KISS1: variants seen among roughly 807,000 people sequenced by gnomAD.
KISS1 encodes the protein KiSS-1 metastasis suppressor, also known as metastasis-suppressor KiSS-1.
For missense variants in KISS1, 182 were observed against 182.7 expected (o/e 1.00, Z 0.02); for synonymous variants, 97 against 88.7 (o/e 1.09, Z -0.52).
chr1:204,192,858 A>C lies in KISS1; in HGVS notation c.19T>G (p.Trp7Gly). The C allele has an allele frequency of 6.3e-7, 1 of 1,592,698 alleles. No individual in the cohort carries two copies. Among genetic ancestry groups the C allele is most frequent in the Non-Finnish European group, 8.6e-7 (1 of 1,167,358 alleles). Reference protein sequence around the residue: MNSLVSWQLLLFLCATH... With the variant: MNSLVSGQLLLFLCATH... ...GCACAGAGGAAAAGCAGTAGCTGCC[A>C]AGAAACCAGTGAGTTCATCTTGGTG... Residue 7 changes from tryptophan to glycine, a missense_variant, in exon 2 of 3, where the codon TGG becomes GGG. Physicochemically the swap from Trp to Gly is radical, Grantham distance 184. Coordinates refer to ENST00000367194, the MANE Select transcript of KISS1 (RefSeq NM_002256.4). The surrounding 1 kb of genome is among the most constrained non-coding windows in gnomAD (Gnocchi z 4.2).
chr1:204,194,352 C>G (rs530980158), intron 1 of KISS1, among the ~76,000 whole-genome samples: 6 of 152,366 alleles, frequency 3.9e-5, no homozygotes, highest in African/African-American at 1.4e-4. Context: ...ACCCAGACCA[C>G]AGCTTTCTGC....
intron 2 of KISS1, 59 bp from the exon 3 acceptor site, chr1:204,190,856 C>T (rs900903719): frequency 1.4e-6 from 2 of 1,394,338 alleles, no homozygotes; most frequent in African/African-American, 1.4e-5. Flanking sequence ...CTTTGCAACA[C>T]CTCCTGTCAT....
Position 204,190,429 on chromosome 1 carries a change from C to CCCCCCCCCCCT in KISS1, c.*54_*55insAGGGGGGGGGG. 1.0e-6 allele frequency: 1 copy of CCCCCCCCCCCT among 998,572 alleles called. No homozygotes were observed. Among genetic ancestry groups the CCCCCCCCCCCT allele is most frequent in the Non-Finnish European group, 1.5e-6 (1 of 661,874 alleles). The allele number at this position is 998,572 out of a possible 1,614,324, so 61.9% of individuals were successfully genotyped here. ...CTACGTCCCCGCCCCCCGCCCCCGC[C>CCCCCCCCCCCT]CCGCATGCTCTGACTCCTTTGGGGT... On this transcript the variant is annotated 3_prime_UTR_variant, in exon 3 of 3. Transcript: ENST00000367194.
chr1:204,190,409 T>TTGC lies in KISS1; in HGVS notation c.*74_*75insGCA, dbSNP rs200451423. 2.4e-4 allele frequency: 135 copies of TTGC among 573,204 alleles called. 2 individuals carry two copies. The highest frequency in any genetic ancestry group is 4.8e-4 in the Middle Eastern group (1 of 2,080). 35.5% of individuals were successfully genotyped at this position (573,204 alleles called of 1,614,324 possible). A position where few individuals can be genotyped will look rare whatever the true frequency, so the allele number is the denominator to read the frequency against. On this transcript the variant is annotated 3_prime_UTR_variant, in exon 3 of 3. Coordinates refer to ENST00000367194, the MANE Select transcript of KISS1 (RefSeq NM_002256.4). Reference sequence around the variant, plus strand: ...CAGCGCCCCCTCCCTTAGCCCTACGTCCCCGCCCCCCGCCCCCGCCCCGCA... The same window carrying TTGC: ...CAGCGCCCCCTCCCTTAGCCCTACGTTGCCCCCGCCCCCCGCCCCCGCCCCGCA...
At chr1:204,191,953 G>A (rs1268063452) in intron 2 of KISS1, among the ~76,000 whole-genome samples, 1 of 152,144 alleles carries the variant, frequency 6.6e-6, no homozygotes, top group African/African-American at 2.4e-5. Flanking sequence ...CCAGAAAAAC[G>A]CCTGATCCCA....
intron 2 of KISS1, 135 bp from the exon 3 acceptor site, chr1:204,190,932 A>G (rs2102328354): frequency 1.4e-6 from 1 of 703,288 alleles, no homozygotes; most frequent in East Asian, 2.7e-5. Flanking sequence ...CATGCGAACC[A>G]GCACGATCAC....
Position 204,190,620 on chromosome 1 carries a change from A to T in KISS1, c.281T>A (p.Ile94Asn). The T allele has an allele frequency of 3.8e-6, 6 of 1,586,876 alleles. No individual in the cohort carries two copies. The highest frequency in any genetic ancestry group is 5.1e-6 in the Non-Finnish European group (6 of 1,167,160). Residue 94 changes from isoleucine to asparagine, a missense_variant, in exon 3 of 3, where the codon ATC becomes AAC. By Grantham distance (149) the Ile-to-Asn change is moderately radical. Transcript: ENST00000367194. ...CAGCACCGCGCCCTGGGGTGCGGGG[A>T]TCTGGCGGCTGTGGGGGGCGGACAG... is the stretch of plus-strand genomic sequence containing the variant. ...PGLSAPHSRQ[I>N]PAPQGAVLVQ...
chr1:204,191,528 T>C (rs1003712976), intron 2 of KISS1, among the ~76,000 whole-genome samples: 7 of 152,256 alleles, frequency 4.6e-5, no homozygotes, highest in Non-Finnish European at 5.9e-5. Flanking sequence ...AAGTTCACTG[T>C]ACTTTTTGGC....
Position 204,190,412 on chromosome 1 carries a change from C to G in KISS1, c.*72G>C. 2 of 588,702 alleles carry G rather than the reference C, an allele frequency of 3.4e-6. No homozygotes were observed. Among genetic ancestry groups the G allele is most frequent in the South Asian group, 3.2e-5 (2 of 62,676 alleles). The allele number at this position is 588,702 out of a possible 1,614,324, so 36.5% of individuals were successfully genotyped here. Reference sequence around the variant, plus strand: ...CGCCCCCTCCCTTAGCCCTACGTCCCCGCCCCCCGCCCCCGCCCCGCATGC... The same window carrying G: ...CGCCCCCTCCCTTAGCCCTACGTCCGCGCCCCCCGCCCCCGCCCCGCATGC... On this transcript the variant is annotated 3_prime_UTR_variant, in exon 3 of 3. Coordinates refer to ENST00000367194, the MANE Select transcript of KISS1 (RefSeq NM_002256.4).
intron 1 of KISS1, among the ~76,000 whole-genome samples, chr1:204,195,273 T>TCATACACACAC (rs1558254719): frequency 2.2e-3 from 11 of 4,892 alleles, no homozygotes; most frequent in South Asian, 8.8e-3. Flanking sequence ...CACACACACA[T>TCATACACACAC]ACACCACACA....
intron 1 of KISS1, among the ~76,000 whole-genome samples, chr1:204,195,715 TCA>T (rs36226771): frequency 0.31 from 45,003 of 144,434 alleles, 7,141 homozygotes; most frequent in South Asian, 0.38. Context: ...TACACACATA[TCA>T]CACACACACA....
intron 1 of KISS1, among the ~76,000 whole-genome samples, chr1:204,195,406 C>CATACA (rs1658836754): frequency 9.6e-6 from 1 of 104,446 alleles, no homozygotes; most frequent in Non-Finnish European, 2.1e-5. Context: ...ACACCACACA[C>CATACA]GCACACACAC....
intron 1 of KISS1, among the ~76,000 whole-genome samples, chr1:204,194,331 G>T (rs1658798096): frequency 6.6e-6 from 1 of 152,186 alleles, no homozygotes. Context: ...TTGATACTGT[G>T]ACAAGTTGAA....
At chr1:204,193,049 G>C (rs1358999927) in intron 1 of KISS1, 135 bp from the exon 2 acceptor site, 1 of 673,258 alleles carries the variant, frequency 1.5e-6, no homozygotes, top group Non-Finnish European at 2.7e-6. Flanking sequence ...CCTGGTAGAG[G>C]GATGAGTCTA....
Position 204,190,633 on chromosome 1 carries a change from G to C in KISS1, c.268C>G (p.His90Asp), listed in dbSNP as rs201073751. The C allele has an allele frequency of 1.2e-3, 1,865 of 1,584,608 alleles. 14 individuals carry two copies. In the African/African-American group the frequency reaches 0.022, roughly 19 times the overall value. ...SPQQPGLSAPHSRQIPAPQGA... is the reference protein window; with the variant it reads ...SPQQPGLSAPDSRQIPAPQGA... Reference sequence around the variant, plus strand: ...TGGGGTGCGGGGATCTGGCGGCTGTGGGGGGCGGACAGGCCCGGCTGCTGG... The same window carrying C: ...TGGGGTGCGGGGATCTGGCGGCTGTCGGGGGCGGACAGGCCCGGCTGCTGG... The change falls in exon 3 of 3, where the codon CAC becomes GAC. Residue 90 changes from histidine (H) to aspartate (D), a missense_variant. Physicochemically the swap from His to Asp is moderately conservative, Grantham distance 81. Coordinates refer to ENST00000367194, the MANE Select transcript of KISS1 (RefSeq NM_002256.4).
chr1:204,190,402 C>G lies in KISS1; in HGVS notation c.*82G>C, dbSNP rs1658709389. The G allele has an allele frequency of 4.7e-6, 4 of 856,992 alleles. No individual in the cohort carries two copies. Among genetic ancestry groups the G allele is most frequent in the Non-Finnish European group, 7.2e-6 (4 of 552,632 alleles). 53.1% of individuals were successfully genotyped at this position (856,992 alleles called of 1,614,324 possible). On this transcript the variant is annotated 3_prime_UTR_variant, in exon 3 of 3. Transcript: ENST00000367194. ...GAAGCTCCAGCGCCCCCTCCCTTAG[C>G]CCTACGTCCCCGCCCCCCGCCCCCG...
In KISS1 at chr1:204,192,762, G is replaced by A; in HGVS notation, c.103+12C>T. On this transcript the variant is annotated intron_variant, in intron 2 of 2. Transcript: ENST00000367194. This position sits in a 1 kb window ranked among gnomAD's most constrained non-coding sequence, Gnocchi z 4.2. ...TTGCTCCCTCCCACTCCTTTCCCCA[G>A]AGGATACATACCTGTGGGTCTAGAA... 6.5e-7 allele frequency: 1 copy of A among 1,541,304 alleles called. No individual in the cohort carries two copies. Among genetic ancestry groups the A allele is most frequent in the Non-Finnish European group, 8.9e-7 (1 of 1,123,264 alleles).
intron 2 of KISS1, 24 bp from the exon 3 acceptor site, chr1:204,190,821 T>A (rs1464183874): frequency 6.3e-7 from 1 of 1,597,600 alleles, no homozygotes; most frequent in East Asian, 2.2e-5. Context: ...CACAGAAAGA[T>A]GAGGCCGGGG....
In KISS1 at chr1:204,192,699, A is replaced by G; in HGVS notation, c.103+75T>C. The G allele has an allele frequency of 1.1e-6, 1 of 890,192 alleles. No individual in the cohort carries two copies. The highest frequency in any genetic ancestry group is 1.8e-6 in the Non-Finnish European group (1 of 542,632). 55.1% of individuals were successfully genotyped at this position (890,192 alleles called of 1,614,324 possible). A position where few individuals can be genotyped will look rare whatever the true frequency, so the allele number is the denominator to read the frequency against. The stretch of plus-strand genomic sequence containing the variant: ...TGTTAAACTCACACCAGTCGACTAG[A>G]TGGAAAATACGGGAAAGCTCATTTT... On this transcript the variant is annotated intron_variant, in intron 2 of 2. Coordinates refer to ENST00000367194, the MANE Select transcript of KISS1 (RefSeq NM_002256.4). This position sits in a 1 kb window ranked among gnomAD's most constrained non-coding sequence, Gnocchi z 4.2.
Sources: gnomAD v4.1 joint callset for allele counts (sites outside exome capture counted in the v4.1 genomes callset) on GRCh38, gnomAD v4.1.1 for gene constraint, Gnocchi (gnomAD v3.1) non-coding constraint, MANE v1.5 for transcripts, NCBI Gene and HGNC (gene_info 2026-07-23, HGNC 2026-07-21) for gene names.